TNR: variants seen among roughly 807,000 people sequenced by gnomAD.
The protein encoded by TNR is tenascin-R.
In TNR, 45 loss-of-function variants were observed where a neutral mutation model predicts 150.4. The observed-to-expected ratio is 0.30, with a 90% CI of 0.24 to 0.38. TNR has a LOEUF of 0.38. Among genes scored for constraint, TNR ranks in the 10% least tolerant of loss-of-function variants. The probability of loss-of-function intolerance (pLI) is 1.00; values close to 1 mark genes in which losing one functional copy is unlikely to be tolerated. For synonymous variants in TNR, 687 were observed against 678.4 expected (o/e 1.01, Z -0.20); for missense variants, 1,544 against 1,759.1 (o/e 0.88, Z 2.19).
chr1:175,622,916 C>T (rs1165599689), intron 1 of TNR, among the ~76,000 whole-genome samples: 2 of 152,180 alleles, frequency 1.3e-5, no homozygotes, highest in South Asian at 2.1e-4. Context: ...CCTGGTGCCT[C>T]TGTTTCCCCA....
At chr1:175,740,200 C>T (rs565295235) in intron 1 of TNR, among the ~76,000 whole-genome samples, 1 of 152,178 alleles carries the variant, frequency 6.6e-6, no homozygotes, top group African/African-American at 2.4e-5. Flanking sequence ...TTAAGTAATA[C>T]ATTCAGCAAT....
intron 1 of TNR, among the ~76,000 whole-genome samples, chr1:175,594,082 A>G: frequency 6.6e-6 from 1 of 152,100 alleles, no homozygotes; most frequent in East Asian, 1.9e-4. Flanking sequence ...CCTAGTGGGC[A>G]TTTTGTTATC....
intron 2 of TNR, among the ~76,000 whole-genome samples, chr1:175,509,194 T>A (rs776820589): frequency 6.6e-6 from 1 of 152,214 alleles, no homozygotes; most frequent in African/African-American, 2.4e-5. Context: ...CTAGGAAGTA[T>A]GATCCTTCCT....
intron 1 of TNR, among the ~76,000 whole-genome samples, chr1:175,570,976 C>T (rs1215049519): frequency 1.3e-5 from 2 of 152,142 alleles, no homozygotes; most frequent in African/African-American, 2.4e-5. Context: ...CCTTGAGGTG[C>T]ATGTAGATTG....
At chr1:175,476,781 A>G (rs573432777) in intron 2 of TNR, among the ~76,000 whole-genome samples, 163 of 152,310 alleles carry the variant, frequency 1.1e-3, no homozygotes, top group South Asian at 8.3e-3. Context: ...TACCTGACAT[A>G]TTACCAGAAC....
chr1:175,443,315 A>C (rs560277953), intron 2 of TNR, among the ~76,000 whole-genome samples: 3 of 152,240 alleles, frequency 2.0e-5, no homozygotes, highest in African/African-American at 7.2e-5. Context: ...GAATGGTACT[A>C]CCCTTATAGT....
In TNR at chr1:175,563,515, A is replaced by G. The variant is rs569892416; in HGVS notation, c.-164-35146T>C. On this transcript the variant is annotated intron_variant, in intron 1 of 22. Transcript: ENST00000367674. The stretch of plus-strand genomic sequence containing the variant: ...CCTTGAGAACAAAAGAGGTGACACA[A>G]GCCCAATTTCTCCCTTTGCTTAGCC... 2.0e-5 allele frequency among the ~76,000 whole-genome samples: 3 copies of G among 152,358 alleles called. No individual in the cohort carries two copies. The South Asian group carries it at 6.2e-4, about 32-fold the overall frequency.
chr1:175,493,326 C>T (rs1053563242), intron 2 of TNR, among the ~76,000 whole-genome samples: 1 of 152,170 alleles, frequency 6.6e-6, no homozygotes, highest in African/African-American at 2.4e-5. Flanking sequence ...AACCAAGAAA[C>T]TGAGGAAGTT....
chr1:175,733,813 G>T (rs1571802412), intron 1 of TNR, among the ~76,000 whole-genome samples: 2 of 152,106 alleles, frequency 1.3e-5, no homozygotes, highest in Non-Finnish European at 1.5e-5. Context: ...TGATTTGCTG[G>T]CCTCTCGAGG....
chr1:175,518,039 G>A (rs895153585), intron 2 of TNR, among the ~76,000 whole-genome samples: 1 of 151,884 alleles, frequency 6.6e-6, no homozygotes, highest in Admixed American at 6.6e-5. Flanking sequence ...GAGTGTTGAT[G>A]GTTTAAGTAA....
intron 1 of TNR, among the ~76,000 whole-genome samples, chr1:175,549,578 A>G (rs1313766177): frequency 2.6e-5 from 4 of 152,208 alleles, no homozygotes; most frequent in Admixed American, 1.3e-4. Context: ...GTTAAGACAG[A>G]AAGATTATAG....
In TNR at chr1:175,426,968, TTA is replaced by T. The variant is rs1335181026; in HGVS notation, c.-63-20193_-63-20192del. The stretch of plus-strand genomic sequence containing the variant: ...ATATATATATTATATATAAAATATA[TTA>T]TATATATATTATATATATGAAACCA... On this transcript the variant is annotated intron_variant, in intron 2 of 22. Transcript: ENST00000367674. Among the ~76,000 whole-genome samples the T allele has an allele frequency of 7.6e-3, 1,045 of 138,178 alleles. 25 individuals carry two copies. The highest frequency in any genetic ancestry group is 0.026 in the African/African-American group (980 of 37,346). 90.7% of individuals were successfully genotyped at this position (138,178 alleles called of 152,430 possible).
At chr1:175,378,070 T>G (rs1474452769) in intron 9 of TNR, among the ~76,000 whole-genome samples, 1 of 152,190 alleles carries the variant, frequency 6.6e-6, no homozygotes, top group African/African-American at 2.4e-5. Flanking sequence ...CATGCCATCA[T>G]CATCTCCCTT....
chr1:175,740,343 T>G (rs1463627869), intron 1 of TNR, among the ~76,000 whole-genome samples: 1 of 152,204 alleles, frequency 6.6e-6, no homozygotes, highest in Non-Finnish European at 1.5e-5. Flanking sequence ...ACATCTTTTT[T>G]GGGGTATACA....
chr1:175,595,125 C>A (rs1366540875), intron 1 of TNR, among the ~76,000 whole-genome samples: 1 of 152,122 alleles, frequency 6.6e-6, no homozygotes, highest in African/African-American at 2.4e-5. Context: ...CAAGATTACA[C>A]CACTGCACTC....
intron 1 of TNR, among the ~76,000 whole-genome samples, chr1:175,660,209 G>T (rs1319603865): frequency 6.6e-6 from 1 of 152,198 alleles, no homozygotes; most frequent in Non-Finnish European, 1.5e-5. Flanking sequence ...CAGGCATTCT[G>T]ACCAACTAGG....
In TNR at chr1:175,403,612, T is replaced by G. The variant is rs757662250; in HGVS notation, c.504A>C (p.Gln168His). 1 of 1,611,252 alleles carries G rather than the reference T, an allele frequency of 6.2e-7. No individual in the cohort carries two copies. The highest frequency in any genetic ancestry group is 8.5e-7 in the Non-Finnish European group (1 of 1,178,380). ...CACTGCAGTGAGGGATATAGTCCAG[T>G]TGTCCTGGAATGGTCAAGGAGAAGG... ...NCCQESAATGQLDYIPHCSGH... is the reference protein window; with the variant it reads ...NCCQESAATGHLDYIPHCSGH... Residue 168 changes from glutamine (Q) to histidine (H), a missense_variant, in exon 4 of 23, where the codon CAA becomes CAC. Physicochemically the swap from Gln to His is conservative, Grantham distance 24. Around this residue, in one of 2 missense-constraint regions of TNR, gnomAD observed 1,254 missense variants for 1,329.4 expected, o/e 0.94. Coordinates refer to ENST00000367674, the MANE Select transcript of TNR (RefSeq NM_003285.3).
At chr1:175,553,294 C>A (rs930728753) in intron 1 of TNR, among the ~76,000 whole-genome samples, 2 of 152,116 alleles carry the variant, frequency 1.3e-5, no homozygotes, top group African/African-American at 4.8e-5. Flanking sequence ...GTGTGAGCCA[C>A]CAACACTTTT....
At chr1:175,370,721 A>G (rs1056910488) in intron 9 of TNR, among the ~76,000 whole-genome samples, 1 of 152,230 alleles carries the variant, frequency 6.6e-6, no homozygotes, top group African/African-American at 2.4e-5. Context: ...TCAATTGCCT[A>G]TAATGAAGTA....
Sources: allele counts gnomAD v4.1 joint callset (sites outside exome capture counted in the v4.1 genomes callset), GRCh38; gene constraint gnomAD v4.1.1; regional missense constraint gnomAD v4.1.1; transcripts MANE v1.5; gene names NCBI Gene and HGNC (gene_info 2026-07-23, HGNC 2026-07-21).